ITGB6: variants seen among roughly 807,000 people sequenced by gnomAD.
ITGB6 encodes integrin beta-6.
ITGB6 carries 80 observed loss-of-function variants against 84.5 expected under a neutral mutation model. That is an observed-to-expected ratio of 0.95 (90% CI 0.79 to 1.14). The LOEUF (loss-of-function observed/expected upper bound fraction) is 1.14, where lower values mean the gene tolerates loss of function less well. ITGB6 is among the 50% of genes most tolerant of loss of function. ITGB6 has a pLI of 0.00. For missense variants in ITGB6, 1,006 were observed against 968.0 expected, an observed-to-expected ratio of 1.04 and a Z score of -0.52; for synonymous variants, 383 against 354.9, an observed-to-expected ratio of 1.08 and a Z score of -0.89.
At chr2:160,124,521 A>G (rs897832) in intron 11 of ITGB6, among the ~76,000 whole-genome samples, 101,664 of 152,078 alleles carry the variant, frequency 0.67, 34,366 homozygotes, top group Admixed American at 0.74. Flanking sequence ...CAAGAACATC[A>G]TCCAAGAATT....
At chr2:160,194,070 T>C (rs1686241308) in intron 4 of ITGB6, among the ~76,000 whole-genome samples, 1 of 152,066 alleles carries the variant, frequency 6.6e-6, no homozygotes, top group East Asian at 1.9e-4. Flanking sequence ...CACAGGAGAA[T>C]TGCTTGAATC....
intron 10 of ITGB6, among the ~76,000 whole-genome samples, chr2:160,135,634 T>C (rs4027255): frequency 6.6e-6 from 1 of 151,594 alleles, no homozygotes; most frequent in South Asian, 2.1e-4. Flanking sequence ...GGAGGCATCA[T>C]GCTACCTGAC....
chr2:160,137,571 T>C lies in ITGB6; in HGVS notation c.1523A>G (p.His508Arg), dbSNP rs1302648317. The change falls in exon 10 of 15, where the codon CAT becomes CGT. Residue 508 changes from histidine (H) to arginine (R), a missense_variant. Coordinates refer to ENST00000283249, the MANE Select transcript of ITGB6 (RefSeq NM_000888.5). ...GTCACCCCTTCCGCTGCAGGAGGGA[T>C]GATCTGGGGCCTCCTTGCAGGAATC... ...STDSCKEAPD[H>R]PSCSGRGDCY... 2 of 1,614,118 alleles carry C rather than the reference T, an allele frequency of 1.2e-6. No individual in the cohort carries two copies. Among genetic ancestry groups the C allele is most frequent in the Non-Finnish European group, 1.7e-6 (2 of 1,180,038 alleles).
intron 12 of ITGB6, among the ~76,000 whole-genome samples, chr2:160,113,189 C>T (rs373326093): frequency 1.3e-5 from 2 of 152,310 alleles, no homozygotes; most frequent in East Asian, 3.9e-4. Context: ...AAAACTGGGG[C>T]TGCCCCTGAT....
Position 160,099,802 on chromosome 2 carries a change from C to T in ITGB6, c.*1934G>A, listed in dbSNP as rs547666305. 4 of 152,150 alleles carry T rather than the reference C, an allele frequency of 2.6e-5. No individual in the cohort carries two copies. Among genetic ancestry groups the T allele is most frequent in the Non-Finnish European group, 5.9e-5 (4 of 68,014 alleles). 9.4% of individuals were successfully genotyped at this position (152,150 alleles called of 1,614,324 possible). ...TACTACTGTTAATGTTTTGGCCTTT[C>T]CAAGGTCCTGCCTGGGGTCAAAACA... is the stretch of plus-strand genomic sequence containing the variant. On this transcript the variant is annotated 3_prime_UTR_variant, in exon 15 of 15. Transcript: ENST00000283249.
intron 12 of ITGB6, among the ~76,000 whole-genome samples, chr2:160,120,277 A>G (rs62177900): frequency 0.62 from 82,899 of 133,350 alleles, 24,987 homozygotes; most frequent in Admixed American, 0.68. Context: ...CAAATGTCCA[A>G]CAATGATAGA....
At chr2:160,104,201 TA>T (rs1196675684) in intron 14 of ITGB6, among the ~76,000 whole-genome samples, 1 of 152,106 alleles carries the variant, frequency 6.6e-6, no homozygotes, top group African/African-American at 2.4e-5. Context: ...GGTGGAAGTG[TA>T]AAAGTGGACG....
At chr2:160,122,055 A>C (rs1438509363) in intron 12 of ITGB6, among the ~76,000 whole-genome samples, 2 of 152,126 alleles carry the variant, frequency 1.3e-5, no homozygotes, top group Non-Finnish European at 2.9e-5. Flanking sequence ...GCTTATAAAA[A>C]GGCTCATTAG....
chr2:160,126,683 G>A (rs1429388900), intron 10 of ITGB6, 82 bp from the exon 11 acceptor site: 1 of 1,305,352 alleles, frequency 7.7e-7, no homozygotes, highest in Admixed American at 2.0e-5. Flanking sequence ...TTTTCTCTTT[G>A]TCTTTAAGCA....
chr2:160,164,464 G>A (rs533174659), intron 7 of ITGB6, among the ~76,000 whole-genome samples: 2 of 152,246 alleles, frequency 1.3e-5, no homozygotes, highest in African/African-American at 4.8e-5. Context: ...GGCCAAGGTG[G>A]GCAGTTCACA....
chr2:160,137,235 T>A (rs1683776198), intron 10 of ITGB6, among the ~76,000 whole-genome samples, 199 bp downstream of exon 10: 1 of 152,136 alleles, frequency 6.6e-6, no homozygotes, highest in South Asian at 2.1e-4. Context: ...TAAGTTCAGT[T>A]GGCAGAAATC....
intron 7 of ITGB6, among the ~76,000 whole-genome samples, chr2:160,143,967 T>C (rs1684095035): frequency 6.6e-6 from 1 of 152,172 alleles, no homozygotes; most frequent in South Asian, 2.1e-4. Flanking sequence ...TTTCTAATGT[T>C]CCTCTTATTT....
At chr2:160,180,599 C>T (rs919997683) in intron 4 of ITGB6, among the ~76,000 whole-genome samples, 5 of 152,150 alleles carry the variant, frequency 3.3e-5, no homozygotes, top group Non-Finnish European at 7.3e-5. Flanking sequence ...AGGTCCTTCA[C>T]GTTAAACTAT....
intron 7 of ITGB6, among the ~76,000 whole-genome samples, chr2:160,147,028 G>A (rs1258559170): frequency 6.6e-6 from 1 of 151,480 alleles, no homozygotes; most frequent in Non-Finnish European, 1.5e-5. Flanking sequence ...GAGTCTGGGA[G>A]GTTGGGGCTG....
In ITGB6 at chr2:160,126,266, T is replaced by C. The variant is rs573249347; in HGVS notation, c.1883+113A>G. The C allele has an allele frequency of 2.6e-4, 245 of 947,576 alleles. 3 individuals are homozygous for C. In the East Asian group the frequency reaches 4.4e-3, roughly 17 times the overall value. The allele number at this position is 947,576 out of a possible 1,614,324, so 58.7% of individuals were successfully genotyped here. A position where few individuals can be genotyped will look rare whatever the true frequency, so the allele number is the denominator to read the frequency against. ...GGTTTGTGTGTGTTTTGATGGATGT[T>C]TGGAGACCAAACCAGCAAATACAAT... On this transcript the variant is annotated intron_variant, in intron 11 of 14. Coordinates refer to ENST00000283249, the MANE Select transcript of ITGB6 (RefSeq NM_000888.5).
At chr2:160,104,024 G>C (rs1258743155) in intron 14 of ITGB6, among the ~76,000 whole-genome samples, 1 of 152,212 alleles carries the variant, frequency 6.6e-6, no homozygotes. Flanking sequence ...TAGATATTTA[G>C]TTGAATGTTT....
intron 9 of ITGB6, 23 bp downstream of exon 9, chr2:160,138,042 C>A: frequency 6.3e-7 from 1 of 1,599,450 alleles, no homozygotes; most frequent in Middle Eastern, 1.7e-4. Context: ...TTTATTCAGA[C>A]TATCTACTGG....
intron 12 of ITGB6, among the ~76,000 whole-genome samples, chr2:160,115,283 T>A (rs7599127): frequency 2.0e-5 from 3 of 151,974 alleles, no homozygotes; most frequent in African/African-American, 7.3e-5. Context: ...AGCCGGGTAC[T>A]CCTCTGAGGC....
intron 7 of ITGB6, among the ~76,000 whole-genome samples, chr2:160,159,485 C>T (rs1049100204): frequency 6.6e-6 from 1 of 152,150 alleles, no homozygotes; most frequent in African/African-American, 2.4e-5. Flanking sequence ...CATCTATACC[C>T]AGCAACAAAA....
Sources: gnomAD v4.1 joint callset for allele counts (sites outside exome capture counted in the v4.1 genomes callset) on GRCh38, gnomAD v4.1.1 for gene constraint, MANE v1.5 for transcripts, NCBI Gene and HGNC (gene_info 2026-07-23, HGNC 2026-07-21) for gene names.